The following PTPRA variants were observed in gnomAD, a reference collection of about 807,000 sequenced individuals.
The protein encoded by PTPRA is receptor-type tyrosine-protein phosphatase alpha.
A neutral mutation model predicts 104.8 loss-of-function variants in PTPRA; 25 were observed. That is an observed-to-expected ratio of 0.24 (90% CI 0.17 to 0.33). PTPRA has a LOEUF of 0.33. Among genes scored for constraint, PTPRA ranks in the 10% least tolerant of loss-of-function variants. The pLI, the probability that PTPRA is intolerant of heterozygous loss-of-function variation, is 1.00. For missense variants in PTPRA, 765 were observed against 1,015.3 expected (o/e 0.75, Z 3.35); for synonymous variants, 323 against 368.9 (o/e 0.88, Z 1.43).
At chr20:3,018,531 A>G (rs547177124) in intron 13 of PTPRA, among the ~76,000 whole-genome samples, 5 of 151,924 alleles carry the variant, frequency 3.3e-5, no homozygotes, top group East Asian at 1.9e-4. Flanking sequence ...CAGAGAGCAC[A>G]GGGTTGGGGG....
intron 1 of PTPRA, among the ~76,000 whole-genome samples, chr20:2,912,335 T>G (rs1400136815): frequency 2.0e-5 from 3 of 151,056 alleles, no homozygotes; most frequent in Admixed American, 2.0e-4. Flanking sequence ...AAAACTAATG[T>G]TTGGCCGGGC....
intron 9 of PTPRA, among the ~76,000 whole-genome samples, chr20:2,999,859 A>C (rs572929927): frequency 7.9e-5 from 12 of 152,364 alleles, no homozygotes; most frequent in Non-Finnish European, 1.2e-4. Context: ...TTACATGAAA[A>C]TGCAAAACCT....
intron 2 of PTPRA, among the ~76,000 whole-genome samples, chr20:2,940,322 C>CTTTT (rs59001573): frequency 7.1e-6 from 1 of 141,074 alleles, no homozygotes; most frequent in African/African-American, 2.6e-5. Flanking sequence ...CTTTTCTTTT[C>CTTTT]TTTTTTTTTT....
chr20:2,969,183 G>A (rs558927890), intron 5 of PTPRA, among the ~76,000 whole-genome samples: 1 of 151,644 alleles, frequency 6.6e-6, no homozygotes, highest in South Asian at 2.1e-4. Context: ...TATAGCCTGG[G>A]GAACAGAGTG....
chr20:2,994,083 G>A (rs1168136208), intron 9 of PTPRA, among the ~76,000 whole-genome samples: 1 of 152,230 alleles, frequency 6.6e-6, no homozygotes, highest in Non-Finnish European at 1.5e-5. Flanking sequence ...TTCCTAGCAA[G>A]TAGCTACCTC....
At chr20:2,924,413 A>C (rs1160183043) in intron 2 of PTPRA, among the ~76,000 whole-genome samples, 1 of 152,220 alleles carries the variant, frequency 6.6e-6, no homozygotes, top group Non-Finnish European at 1.5e-5. Context: ...ATCAACAACA[A>C]CAAAAAATTG....
chr20:2,864,772 T>A, the PTPRA span: 1 of 1,216,954 alleles, frequency 8.2e-7, no homozygotes, highest in Non-Finnish European at 1.2e-6. The surrounding 1 kb of genome is among the most constrained non-coding windows in gnomAD (Gnocchi z 5.2). Context: ...GTCCTCACTG[T>A]GAGGGAGACT....
chr20:2,998,723 C>G (rs1426616554), intron 9 of PTPRA, among the ~76,000 whole-genome samples: 1 of 152,036 alleles, frequency 6.6e-6, no homozygotes, highest in South Asian at 2.1e-4. Context: ...AAAGGAGATT[C>G]AGACTTAAAA....
intron 20 of PTPRA, among the ~76,000 whole-genome samples, chr20:3,028,949 A>G (rs1461415789): frequency 6.6e-6 from 1 of 152,170 alleles, no homozygotes; most frequent in Non-Finnish European, 1.5e-5. Flanking sequence ...GGAATTAAGG[A>G]TGGCACCCAC....
upstream of PTPRA, among the ~76,000 whole-genome samples, chr20:2,870,311 T>C (rs944954588): frequency 6.6e-6 from 1 of 151,804 alleles, no homozygotes; most frequent in Non-Finnish European, 1.5e-5. Context: ...GAGGTTGCAG[T>C]GAGCCGAGAT....
chr20:3,016,348 G>A (rs1232664699), intron 12 of PTPRA, among the ~76,000 whole-genome samples: 1 of 152,198 alleles, frequency 6.6e-6, no homozygotes, highest in Non-Finnish European at 1.5e-5. Flanking sequence ...CAGGGACCCA[G>A]CACCATGTCC....
At chr20:2,998,967 CATT>C (rs3055407) in intron 9 of PTPRA, among the ~76,000 whole-genome samples, 28,706 of 149,308 alleles carry the variant, frequency 0.19, 4,253 homozygotes, top group African/African-American at 0.41. Flanking sequence ...ATAAATATGA[CATT>C]ATAGAATTAA....
chr20:2,908,407 A>G (rs2059504212), intron 1 of PTPRA, among the ~76,000 whole-genome samples: 1 of 152,180 alleles, frequency 6.6e-6, no homozygotes, highest in Non-Finnish European at 1.5e-5. Flanking sequence ...TATTTGAGGA[A>G]ACCCCCAGAT....
chr20:2,899,878 A>G (rs2059161563), intron 1 of PTPRA, among the ~76,000 whole-genome samples: 2 of 152,044 alleles, frequency 1.3e-5, no homozygotes, highest in Non-Finnish European at 2.9e-5. Flanking sequence ...AGGCCAAGGC[A>G]GGTAGATCAC....
intron 17 of PTPRA, among the ~76,000 whole-genome samples, chr20:3,025,556 A>G (rs2065094731): frequency 6.6e-6 from 1 of 151,384 alleles, no homozygotes; most frequent in Non-Finnish European, 1.5e-5. Context: ...ATGTGCACAG[A>G]TTTCTTTGGG....
chr20:2,932,023 A>G (rs1378595938), intron 2 of PTPRA, among the ~76,000 whole-genome samples: 4 of 152,174 alleles, frequency 2.6e-5, no homozygotes, highest in Admixed American at 2.6e-4. Flanking sequence ...GCATCCCCTA[A>G]CATTTAATCC....
chr20:2,893,052 C>T (rs2058860963), intron 1 of PTPRA, among the ~76,000 whole-genome samples: 1 of 152,170 alleles, frequency 6.6e-6, no homozygotes, highest in Admixed American at 6.5e-5. Context: ...ATAATGGTAT[C>T]CAACGGCTCT....
At chr20:2,913,010 TAC>T (rs1250987263) in intron 1 of PTPRA, among the ~76,000 whole-genome samples, 5 of 152,162 alleles carry the variant, frequency 3.3e-5, no homozygotes, top group Non-Finnish European at 7.4e-5. Context: ...CAAGAATAGT[TAC>T]AGAGTCTTTT....
intron 1 of PTPRA, among the ~76,000 whole-genome samples, chr20:2,922,521 G>A (rs1162598109): frequency 2.6e-5 from 4 of 152,126 alleles, no homozygotes; most frequent in African/African-American, 9.7e-5. Flanking sequence ...TGTATTTTTG[G>A]TAGAGACGGG....
Sources: gnomAD v4.1 joint callset for allele counts (sites outside exome capture counted in the v4.1 genomes callset) on GRCh38, gnomAD v4.1.1 for gene constraint, Gnocchi (gnomAD v3.1) non-coding constraint, MANE v1.5 for transcripts, NCBI Gene and HGNC (gene_info 2026-07-23, HGNC 2026-07-21) for gene names.